CRB1: variants seen among roughly 807,000 people sequenced by gnomAD.
The protein encoded by CRB1 is protein crumbs homolog 1.
A neutral mutation model predicts 120.0 loss-of-function variants in CRB1; 83 were observed. The ratio of observed to expected loss-of-function variants is 0.69; its 90% confidence interval spans 0.58 to 0.83. CRB1 has a LOEUF of 0.83. Ranked by LOEUF, CRB1 falls within the 40% of genes least tolerant of loss-of-function variation. The probability of loss-of-function intolerance (pLI) is 0.00; values close to 1 mark genes in which losing one functional copy is unlikely to be tolerated. For missense variants in CRB1, 1,699 were observed against 1,687.6 expected, an observed-to-expected ratio of 1.01 and a Z score of -0.12; for synonymous variants, 625 against 612.5, an observed-to-expected ratio of 1.02 and a Z score of -0.30.
At chr1:197,457,894 G>C (rs199912119) in intron 11 of CRB1, among the ~76,000 whole-genome samples, 1 of 152,130 alleles carries the variant, frequency 6.6e-6, no homozygotes, top group East Asian at 1.9e-4. Context: ...TGTCAGCAAA[G>C]AGAGCTTAGA....
the CRB1 span, among the ~76,000 whole-genome samples, chr1:197,229,748 G>T: frequency 2.0e-5 from 3 of 152,094 alleles, no homozygotes; most frequent in African/African-American, 7.2e-5. Context: ...TAGGATAATG[G>T]TCTCCCTGCT....
At chr1:197,320,663 A>T (rs17552483) in intron 1 of CRB1, among the ~76,000 whole-genome samples, 3,103 of 152,274 alleles carry the variant, frequency 0.02, 48 homozygotes, top group Middle Eastern at 0.054. Context: ...GAAGATGGGG[A>T]TCAAGTTTGG....
chr1:197,241,617 T>C, the CRB1 span, among the ~76,000 whole-genome samples: 1 of 152,196 alleles, frequency 6.6e-6, no homozygotes, highest in African/African-American at 2.4e-5. Flanking sequence ...TGTAGTATAG[T>C]TTGAAGTCAG....
At chr1:197,320,784 G>C (rs931238948) in intron 1 of CRB1, among the ~76,000 whole-genome samples, 1 of 152,106 alleles carries the variant, frequency 6.6e-6, no homozygotes, top group Non-Finnish European at 1.5e-5. Context: ...ATCATATCAA[G>C]TAAAGCACTC....
chr1:197,325,497 T>C (rs944667657), intron 1 of CRB1, among the ~76,000 whole-genome samples: 2 of 152,182 alleles, frequency 1.3e-5, no homozygotes, highest in African/African-American at 4.8e-5. Flanking sequence ...TATTCTACTC[T>C]GATTATTTAG....
In CRB1 at chr1:197,405,144, T is replaced by A. The variant is rs553349244; in HGVS notation, c.1172-15856T>A. Reference sequence around the variant, plus strand: ...ATGCCGAGCCGAAGCTGGACTGTACTGCTGCCATCTCGGCTCACTGCAACC... The same window carrying A: ...ATGCCGAGCCGAAGCTGGACTGTACAGCTGCCATCTCGGCTCACTGCAACC... On this transcript the variant is annotated intron_variant, in intron 5 of 11. Transcript: ENST00000367400. Among the ~76,000 whole-genome samples, 103 of 152,148 alleles carry A rather than the reference T, an allele frequency of 6.8e-4. No individual in the cohort carries two copies. In the East Asian group the frequency reaches 0.019, roughly 28 times the overall value.
the CRB1 span, among the ~76,000 whole-genome samples, chr1:197,242,638 C>CTT: frequency 6.6e-6 from 1 of 151,120 alleles, no homozygotes; most frequent in Admixed American, 6.6e-5. Context: ...CTGAAATTTT[C>CTT]TTTTGTTGTG....
chr1:197,351,216 C>T (rs1291655566), intron 4 of CRB1, among the ~76,000 whole-genome samples: 17 of 144,298 alleles, frequency 1.2e-4, no homozygotes, highest in Middle Eastern at 3.3e-3. Flanking sequence ...AAAAATTAGC[C>T]GGGTGTGGTG....
intron 4 of CRB1, among the ~76,000 whole-genome samples, chr1:197,350,070 G>T (rs1245273513): frequency 6.8e-6 from 1 of 148,144 alleles, no homozygotes; most frequent in African/African-American, 2.5e-5. Context: ...ACTGCAGTCC[G>T]CAGTCCGGCC....
intron 2 of CRB1, among the ~76,000 whole-genome samples, chr1:197,338,108 A>G (rs555658890): frequency 2.6e-4 from 40 of 152,094 alleles, no homozygotes; most frequent in Admixed American, 2.4e-3. Context: ...AAAGTAGTGT[A>G]TTTTTCAAAC....
chr1:197,342,248 T>C (rs1659508173), intron 2 of CRB1, among the ~76,000 whole-genome samples: 1 of 152,126 alleles, frequency 6.6e-6, no homozygotes, highest in Admixed American at 6.6e-5. Context: ...GGCTTCTCAT[T>C]TCCTTTCTAC....
chr1:197,222,602 G>A, the CRB1 span: 1 of 771,718 alleles, frequency 1.3e-6, no homozygotes, highest in Non-Finnish European at 2.4e-6. Flanking sequence ...CTCCTAGTGA[G>A]GAAAGAGTGT....
At chr1:197,474,635 AC>A (rs1558166275) in intron 11 of CRB1, among the ~76,000 whole-genome samples, 2 of 152,106 alleles carry the variant, frequency 1.3e-5, no homozygotes, top group Non-Finnish European at 2.9e-5. Context: ...GCCTCAGTTT[AC>A]CCAATGTAAT....
intron 5 of CRB1, among the ~76,000 whole-genome samples, chr1:197,416,540 T>G (rs1006651787): frequency 2.0e-5 from 3 of 152,142 alleles, no homozygotes; most frequent in Non-Finnish European, 4.4e-5. Flanking sequence ...AGCTATTCTA[T>G]AAATTGAGAA....
chr1:197,431,347 T>C (rs1487107002), intron 8 of CRB1, among the ~76,000 whole-genome samples: 1 of 152,070 alleles, frequency 6.6e-6, no homozygotes, highest in Non-Finnish European at 1.5e-5. Context: ...AAGAAATAGG[T>C]ACCACACATG....
intron 11 of CRB1, among the ~76,000 whole-genome samples, chr1:197,459,622 G>A (rs1666433154): frequency 6.6e-6 from 1 of 152,086 alleles, no homozygotes; most frequent in Non-Finnish European, 1.5e-5. Flanking sequence ...CTTCTAATAC[G>A]GTGACATTGG....
the CRB1 span, among the ~76,000 whole-genome samples, chr1:197,235,472 A>T: frequency 2.0e-5 from 3 of 152,306 alleles, no homozygotes; most frequent in East Asian, 5.8e-4. Flanking sequence ...TCCTGTGATT[A>T]CCATGTGATA....
At chr1:197,340,761 G>T (rs566780100) in intron 2 of CRB1, among the ~76,000 whole-genome samples, 2 of 152,150 alleles carry the variant, frequency 1.3e-5, no homozygotes, top group Admixed American at 1.3e-4. Context: ...AGGGATGGGG[G>T]TGGCGCAAAT....
intron 5 of CRB1, among the ~76,000 whole-genome samples, chr1:197,384,363 G>T (rs1662108120): frequency 6.6e-6 from 1 of 152,078 alleles, no homozygotes; most frequent in South Asian, 2.1e-4. Context: ...TGATCCAAAG[G>T]CTTGGACCCA....
Sources: allele counts gnomAD v4.1 joint callset (sites outside exome capture counted in the v4.1 genomes callset), GRCh38; gene constraint gnomAD v4.1.1; transcripts MANE v1.5; gene names NCBI Gene and HGNC (gene_info 2026-07-23, HGNC 2026-07-21).